The following SLC36A1 variants were observed in gnomAD, a reference collection of about 807,000 sequenced individuals.
The protein encoded by SLC36A1 is solute carrier family 36 member 1.
SLC36A1 carries 30 observed loss-of-function variants against 47.5 expected under a neutral mutation model. The observed-to-expected ratio is 0.63, with a 90% CI of 0.47 to 0.86. SLC36A1 has a LOEUF of 0.86. Among genes scored for constraint, SLC36A1 ranks in the 40% least tolerant of loss-of-function variants. The pLI is 0.00. For synonymous variants in SLC36A1, 255 were observed against 249.7 expected, an observed-to-expected ratio of 1.02 and a Z score of -0.20; for missense variants, 517 against 606.0, an observed-to-expected ratio of 0.85 and a Z score of 1.54.
At chr5:151,479,253 T>G in intron 9 of SLC36A1, 67 bp from the exon 10 acceptor site, 1 of 1,538,668 alleles carries the variant, frequency 6.5e-7, no homozygotes, top group Non-Finnish European at 8.9e-7. Flanking sequence ...GGGACCATTT[T>G]GCACTCTTGC....
chr5:151,350,606 C>G, the SLC36A1 span, among the ~76,000 whole-genome samples: 1 of 151,896 alleles, frequency 6.6e-6, no homozygotes, highest in Non-Finnish European at 1.5e-5. Context: ...TCATTTCTCT[C>G]CATTAAAAAC....
At chr5:151,540,904 T>C in the SLC36A1 span, 1 of 646,858 alleles carries the variant, frequency 1.5e-6, no homozygotes, top group Non-Finnish European at 2.4e-6. Context: ...GAACCCACGA[T>C]TCTACACTGA....
At chr5:151,457,273 T>C (rs1754691587) in intron 1 of SLC36A1, among the ~76,000 whole-genome samples, 1 of 152,028 alleles carries the variant, frequency 6.6e-6, no homozygotes, top group Non-Finnish European at 1.5e-5. Flanking sequence ...ACTTCATCTT[T>C]TAGCATTGAT....
At chr5:151,467,324 G>C in intron 6 of SLC36A1, 41 bp downstream of exon 6, 5 of 1,055,700 alleles carry the variant, frequency 4.7e-6, no homozygotes, top group South Asian at 1.7e-5. Flanking sequence ...AAAAAAACCA[G>C]AGCGAGAATG....
chr5:151,554,693 T>G, the SLC36A1 span: 1 of 1,585,018 alleles, frequency 6.3e-7, no homozygotes, highest in African/African-American at 1.3e-5. Flanking sequence ...GAATTGAGCA[T>G]GAGCACCTGA....
the SLC36A1 span, among the ~76,000 whole-genome samples, chr5:151,376,591 T>A: frequency 7.2e-5 from 11 of 152,176 alleles, no homozygotes; most frequent in Non-Finnish European, 1.5e-4. Context: ...CTACTTTTTT[T>A]ATATATCTCA....
At position 151,491,368 on chromosome 5, in the gene SLC36A1, A is replaced by G. The variant is rs1470583997; in HGVS notation, c.*3114A>G. 6.6e-6 allele frequency: 1 copy of G among 152,544 alleles called. No homozygotes were observed. Among genetic ancestry groups the G allele is most frequent in the African/African-American group, 2.4e-5 (1 of 41,418 alleles). 9.4% of individuals were successfully genotyped at this position (152,544 alleles called of 1,614,324 possible). A position where few individuals can be genotyped will look rare whatever the true frequency, so the allele number is the denominator to read the frequency against. The stretch of plus-strand genomic sequence containing the variant: ...GGCATCATTTCACTTCAGCCGCCCA[A>G]TTCCATCTCTCCTCTGCAGCCAGAT... On this transcript the variant is annotated 3_prime_UTR_variant, in exon 11 of 11. Coordinates refer to ENST00000243389, the MANE Select transcript of SLC36A1 (RefSeq NM_078483.4).
the SLC36A1 span, chr5:151,382,087 G>T: frequency 7.7e-6 from 6 of 783,150 alleles, no homozygotes; most frequent in African/African-American, 8.7e-5. Flanking sequence ...CCCAAAGAGA[G>T]CCTACTGACA....
the SLC36A1 span, chr5:151,544,743 C>T: frequency 1.9e-5 from 31 of 1,614,180 alleles, no homozygotes; most frequent in Middle Eastern, 3.3e-4. Context: ...CAAAGGGTTT[C>T]TTGAGTGATA....
At chr5:151,435,596 A>G (rs1413391126), upstream of SLC36A1, among the ~76,000 whole-genome samples, 1 of 152,142 alleles carries the variant, frequency 6.6e-6, no homozygotes, top group Non-Finnish European at 1.5e-5. Flanking sequence ...TATTTTCTGC[A>G]GTGACTAAAG....
chr5:151,422,386 A>G, the SLC36A1 span, among the ~76,000 whole-genome samples: 1 of 152,240 alleles, frequency 6.6e-6, no homozygotes, highest in African/African-American at 2.4e-5. Flanking sequence ...TTCCTCTTCA[A>G]ACTCAAAGAT....
the SLC36A1 span, chr5:151,526,024 G>A: frequency 1.1e-5 from 17 of 1,525,674 alleles, no homozygotes; most frequent in East Asian, 7.1e-5. Flanking sequence ...CCTTCCTTTC[G>A]CACGTGTCTG....
chr5:151,538,090 GAGAC>G, the SLC36A1 span: 15 of 602,984 alleles, frequency 2.5e-5, no homozygotes, highest in Middle Eastern at 5.7e-4. Flanking sequence ...AAAAAGAACA[GAGAC>G]AGAGAGAGAG....
the SLC36A1 span, among the ~76,000 whole-genome samples, chr5:151,385,701 C>T: frequency 6.6e-6 from 1 of 151,176 alleles, no homozygotes; most frequent in African/African-American, 2.4e-5. Flanking sequence ...GGCAACACCC[C>T]AATAAAAAAA....
chr5:151,354,572 G>A, the SLC36A1 span, among the ~76,000 whole-genome samples: 2 of 152,072 alleles, frequency 1.3e-5, no homozygotes, highest in Admixed American at 1.3e-4. Flanking sequence ...TTATAGATGG[G>A]GAAACTGAAG....
At chr5:151,393,216 G>A in the SLC36A1 span, among the ~76,000 whole-genome samples, 2 of 151,898 alleles carry the variant, frequency 1.3e-5, no homozygotes, top group African/African-American at 2.4e-5. Context: ...CAGAGACTAG[G>A]ATTGCAACCC....
At chr5:151,346,089 C>T in the SLC36A1 span, among the ~76,000 whole-genome samples, 1 of 152,194 alleles carries the variant, frequency 6.6e-6, no homozygotes, top group Non-Finnish European at 1.5e-5. Context: ...CCCTTTAGCT[C>T]TCACTTGCTT....
chr5:151,542,904 G>A, the SLC36A1 span: 1 of 1,614,172 alleles, frequency 6.2e-7, no homozygotes, highest in Non-Finnish European at 8.5e-7. Context: ...CTGGGTCTAG[G>A]GAGAAGACAC....
At chr5:151,469,782 G>A (rs1321668394) in intron 7 of SLC36A1, among the ~76,000 whole-genome samples, 8 of 150,996 alleles carry the variant, frequency 5.3e-5, no homozygotes, top group Non-Finnish European at 1.2e-4. Flanking sequence ...CTTGATATAT[G>A]TATGATATAT....
Sources: allele counts gnomAD v4.1 joint callset (sites outside exome capture counted in the v4.1 genomes callset), GRCh38; gene constraint gnomAD v4.1.1; transcripts MANE v1.5; gene names NCBI Gene and HGNC (gene_info 2026-07-23, HGNC 2026-07-21).